Variants in ATP11A observed in about 807,000 individuals in gnomAD.
ATP11A encodes phospholipid-transporting ATPase IH.
In ATP11A, 81 loss-of-function variants were observed where a neutral mutation model predicts 154.4. The ratio of observed to expected loss-of-function variants is 0.52; its 90% CI spans 0.44 to 0.63. ATP11A has a LOEUF of 0.63. Ranked by LOEUF, ATP11A falls within the 30% of genes least tolerant of loss-of-function variation. The pLI, the probability that ATP11A is intolerant of heterozygous loss-of-function variation, is 0.00. For missense variants in ATP11A, 1,316 were observed against 1,474.3 expected, an observed-to-expected ratio of 0.89 and a Z score of 1.76; for synonymous variants, 623 against 585.9, an observed-to-expected ratio of 1.06 and a Z score of -0.91.
At chr13:112,769,066 G>A (rs952208407) in intron 1 of ATP11A, among the ~76,000 whole-genome samples, 1 of 152,188 alleles carries the variant, frequency 6.6e-6, no homozygotes, top group East Asian at 1.9e-4. Context: ...GGGTGGAACT[G>A]CTATGGGGGG....
At position 112,825,549 on chromosome 13, in the gene ATP11A, A is replaced by G; in HGVS notation, c.992A>G (p.Gln331Arg). The change falls in exon 11 of 30, where the codon CAG becomes CGG. Residue 331 changes from glutamine to arginine, a missense_variant. By Grantham distance (43) the Gln-to-Arg change is conservative. Coordinates refer to ENST00000375645, the MANE Select transcript of ATP11A (RefSeq NM_015205.3). Reference sequence around the variant, plus strand: ...TTTCGGGATGAGCCGTGGTATAATCAGAAAACGGAGTCGGAAAGGCAGAGG... The same window carrying G: ...TTTCGGGATGAGCCGTGGTATAATCGGAAAACGGAGTCGGAAAGGCAGAGG... The part of the protein sequence containing the change: ...EPFRDEPWYN[Q>R]KTESERQRNL... 2 of 1,613,802 alleles carry G rather than the reference A, an allele frequency of 1.2e-6. No homozygotes were observed. The highest frequency in any genetic ancestry group is 2.7e-5 in the African/African-American group (2 of 75,058).
chr13:112,881,363 AAATC>A (rs2080878898), intron 29 of ATP11A: 6 of 1,035,360 alleles, frequency 5.8e-6, no homozygotes, highest in Non-Finnish European at 7.0e-6. Flanking sequence ...GTCCAGTACT[AAATC>A]AACCCGGTCC....
intron 1 of ATP11A, among the ~76,000 whole-genome samples, chr13:112,729,848 G>A (rs1325581469): frequency 6.6e-6 from 1 of 152,260 alleles, no homozygotes; most frequent in Admixed American, 6.5e-5. Flanking sequence ...AATGTTGTCA[G>A]TGATTAATCT....
At chr13:112,769,947 G>A (rs1323804163) in intron 1 of ATP11A, among the ~76,000 whole-genome samples, 2 of 152,190 alleles carry the variant, frequency 1.3e-5, no homozygotes, top group Non-Finnish European at 2.9e-5. Context: ...TACTCCTGTC[G>A]AAAATGGAGG....
At chr13:112,800,565 A>G (rs1239438025) in intron 2 of ATP11A, among the ~76,000 whole-genome samples, 2 of 151,960 alleles carry the variant, frequency 1.3e-5, no homozygotes, top group Non-Finnish European at 2.9e-5. Flanking sequence ...TCTACCAAAC[A>G]TTTAAGGAAA....
chr13:112,716,076 G>C (rs917272676), intron 1 of ATP11A, among the ~76,000 whole-genome samples: 22 of 152,120 alleles, frequency 1.4e-4, no homozygotes, highest in Middle Eastern at 3.4e-3. Context: ...GGAGAGGCTT[G>C]GAGCTCATTC....
At position 112,838,450 on chromosome 13, in the gene ATP11A, C is replaced by T. The variant is rs1379964071; in HGVS notation, c.1705+2199C>T. Among the ~76,000 whole-genome samples the T allele has an allele frequency of 2.0e-5, 3 of 152,330 alleles. No homozygotes were observed. Among genetic ancestry groups the T allele is most frequent in the East Asian group, 3.9e-4 (2 of 5,172 alleles). On this transcript the variant is annotated intron_variant, in intron 16 of 29. Coordinates refer to ENST00000375645, the MANE Select transcript of ATP11A (RefSeq NM_015205.3). This position sits in a 1 kb window ranked among gnomAD's most constrained non-coding sequence, Gnocchi z 7.3. Reference sequence around the variant, plus strand: ...GCTGGAACATGCTGCCCGTGACCTGCGGGGCTGACCACGGTGCCCAAGAAG... The same window carrying T: ...GCTGGAACATGCTGCCCGTGACCTGTGGGGCTGACCACGGTGCCCAAGAAG...
Position 112,754,878 on chromosome 13 carries a change from C to T in ATP11A, c.40-30257C>T, listed in dbSNP as rs553794133. Among the ~76,000 whole-genome samples the T allele has an allele frequency of 1.3e-5, 2 of 152,358 alleles. No individual in the cohort carries two copies. Among genetic ancestry groups the T allele is most frequent in the Admixed American group, 1.3e-4 (2 of 15,306 alleles). ...CGGGAATGCTGGCCCGGCCCCACTGCAGGGCTTCCCCAGCCCTCCTAGACA... is the reference window on the plus strand; with the variant it reads ...CGGGAATGCTGGCCCGGCCCCACTGTAGGGCTTCCCCAGCCCTCCTAGACA... On this transcript the variant is annotated intron_variant, in intron 1 of 29. Coordinates refer to ENST00000375645, the MANE Select transcript of ATP11A (RefSeq NM_015205.3). The surrounding 1 kb of genome is among the most constrained non-coding windows in gnomAD (Gnocchi z 5.3).
At chr13:112,823,440 C>T (rs1368498909) in intron 9 of ATP11A, 31 bp downstream of exon 9, 4 of 1,551,566 alleles carry the variant, frequency 2.6e-6, no homozygotes, top group Non-Finnish European at 3.6e-6. Flanking sequence ...TAACCATTGC[C>T]CCTAACATTA....
chr13:112,826,969 C>G, intron 12 of ATP11A, 78 bp downstream of exon 12: 1 of 1,478,952 alleles, frequency 6.8e-7, no homozygotes, highest in East Asian at 2.3e-5. Flanking sequence ...GGTCCTGTGC[C>G]TGTCATCCGA....
Position 112,862,597 on chromosome 13 carries a change from G to A in ATP11A, c.2991+22G>A, listed in dbSNP as rs113408681. On this transcript the variant is annotated intron_variant, in intron 25 of 29. Transcript: ENST00000375645. Reference sequence around the variant, plus strand: ...GCAGGTCAGTACAGAGCTCGATTGCGCTGACTTAGCTGCTTAGGAATAAAG... The same window carrying A: ...GCAGGTCAGTACAGAGCTCGATTGCACTGACTTAGCTGCTTAGGAATAAAG... 9.5e-4 allele frequency: 1,539 copies of A among 1,613,680 alleles called. 16 individuals are homozygous for A. In the African/African-American group the frequency reaches 0.018, roughly 19 times the overall value.
chr13:112,705,043 G>T lies in ATP11A; in HGVS notation c.39+14588G>T, dbSNP rs1886987787. 1.3e-5 allele frequency among the ~76,000 whole-genome samples: 2 copies of T among 152,200 alleles called. 1 individual carries two copies. The highest frequency in any genetic ancestry group is 4.1e-4 in the South Asian group (2 of 4,826). Reference sequence around the variant, plus strand: ...TAACGGGCATCTCCTTTTCTCTCTAGAAAGTGCAGTGAGGTGACGTGATTT... The same window carrying T: ...TAACGGGCATCTCCTTTTCTCTCTATAAAGTGCAGTGAGGTGACGTGATTT... On this transcript the variant is annotated intron_variant, in intron 1 of 29. Coordinates refer to ENST00000375645, the MANE Select transcript of ATP11A (RefSeq NM_015205.3).
intron 1 of ATP11A, among the ~76,000 whole-genome samples, chr13:112,755,311 C>T (rs1010731039): frequency 5.3e-5 from 8 of 152,158 alleles, no homozygotes; most frequent in African/African-American, 1.9e-4. Context: ...TTCCATTGCA[C>T]AGTCCCACCC....
intron 16 of ATP11A, among the ~76,000 whole-genome samples, chr13:112,840,544 C>T (rs962803270): frequency 1.4e-5 from 2 of 145,162 alleles, no homozygotes; most frequent in Admixed American, 6.9e-5. Flanking sequence ...AGCCTCCCTA[C>T]TCTCCTGTCC....
chr13:112,789,676 G>A (rs144432676), intron 2 of ATP11A, among the ~76,000 whole-genome samples: 3 of 141,018 alleles, frequency 2.1e-5, no homozygotes, highest in African/African-American at 2.6e-5. Flanking sequence ...AATTCACACC[G>A]GGTATTCTGA....
chr13:112,824,276 T>G (rs1269882138), intron 9 of ATP11A, 68 bp from the exon 10 acceptor site: 1 of 1,209,636 alleles, frequency 8.3e-7, no homozygotes, highest in Non-Finnish European at 1.2e-6. Context: ...CCCGCAGCTG[T>G]GTGTAACTCA....
intron 24 of ATP11A, among the ~76,000 whole-genome samples, chr13:112,862,067 G>T (rs78523224): frequency 4.9e-4 from 75 of 151,800 alleles, no homozygotes; most frequent in Non-Finnish European, 8.8e-4. Context: ...AAGGCATCAC[G>T]TCAGGCGTAA....
In ATP11A at chr13:112,882,660, TGCCACGTGGGAGGACAAGGCCAC is replaced by T. The variant is rs2080912056; in HGVS notation, c.*798_*820del. ...ACCGGCCGCCTCGTGGAGAAGGCAG[TGCCACGTGGGAGGACAAGGCCAC>T]GCCGGCAGCTTCCAGCCCTGCCGCA... On this transcript the variant is annotated 3_prime_UTR_variant, in exon 30 of 30. Coordinates refer to ENST00000375645, the MANE Select transcript of ATP11A (RefSeq NM_015205.3). This position sits in a 1 kb window ranked among gnomAD's most constrained non-coding sequence, Gnocchi z 5.1. The T allele has an allele frequency of 5.0e-6, 2 of 400,018 alleles. No individual in the cohort carries two copies. The highest frequency in any genetic ancestry group is 2.6e-4 in the South Asian group (2 of 7,734). 24.8% of individuals were successfully genotyped at this position (400,018 alleles called of 1,614,324 possible). A position where few individuals can be genotyped will look rare whatever the true frequency, so the allele number is the denominator to read the frequency against.
At chr13:112,767,900 G>A (rs907719412) in intron 1 of ATP11A, among the ~76,000 whole-genome samples, 9 of 152,244 alleles carry the variant, frequency 5.9e-5, no homozygotes, top group African/African-American at 2.2e-4. Context: ...GTGGCCCGTG[G>A]ACTTGTGGTT....
Sources: gnomAD v4.1 joint callset for allele counts (sites outside exome capture counted in the v4.1 genomes callset) on GRCh38, gnomAD v4.1.1 for gene constraint, Gnocchi (gnomAD v3.1) non-coding constraint, MANE v1.5 for transcripts, NCBI Gene and HGNC (gene_info 2026-07-23, HGNC 2026-07-21) for gene names.